MTREX: variants seen among roughly 807,000 people sequenced by gnomAD.
The protein encoded by MTREX is Mtr4 exosome RNA helicase, also known as exosome RNA helicase MTR4.
MTREX carries 76 observed loss-of-function variants against 135.4 expected under a neutral mutation model. That is an observed-to-expected ratio of 0.56 (90% CI 0.47 to 0.68). The LOEUF is 0.68. MTREX is among the 30% of genes least tolerant of loss of function. The pLI is 0.00. For synonymous variants in MTREX, 404 were observed against 401.6 expected (o/e 1.01, Z -0.07); for missense variants, 920 against 1,262.1 (o/e 0.73, Z 4.11).
chr5:55,387,965 GT>G lies in MTREX; in HGVS notation c.2053-3del. On this transcript the variant is annotated splice_polypyrimidine_tract_variant and splice_region_variant and intron_variant, in intron 18 of 26. Coordinates refer to ENST00000230640, the MANE Select transcript of MTREX (RefSeq NM_015360.5). The stretch of plus-strand genomic sequence containing the variant: ...AGAATGAATGAACATCTTCTGTTTT[GT>G]TTTTTAGCCTAACTCTGGTGAACTG... The G allele has an allele frequency of 6.4e-7, 1 of 1,572,266 alleles. No individual in the cohort carries two copies. The highest frequency in any genetic ancestry group is 1.2e-5 in the South Asian group (1 of 86,542).
chr5:55,340,246 T>C (rs1388020934), intron 6 of MTREX, 62 bp downstream of exon 6: 2 of 1,316,952 alleles, frequency 1.5e-6, no homozygotes, highest in Admixed American at 5.3e-5. Flanking sequence ...GACTATTCAG[T>C]TAGAACCTGG....
chr5:55,391,115 C>T (rs1561206246), intron 19 of MTREX, among the ~76,000 whole-genome samples: 2 of 151,982 alleles, frequency 1.3e-5, no homozygotes, highest in Non-Finnish European at 2.9e-5. Context: ...AGGGATCCTT[C>T]CTTTAGAGTG....
At chr5:55,399,350 C>T (rs1441641805) in intron 20 of MTREX, among the ~76,000 whole-genome samples, 1 of 152,182 alleles carries the variant, frequency 6.6e-6, no homozygotes, top group Non-Finnish European at 1.5e-5. Context: ...ATCTTTAAGG[C>T]TTATCCAAGA....
At chr5:55,362,224 C>T (rs549769827) in intron 15 of MTREX, among the ~76,000 whole-genome samples, 116 of 151,838 alleles carry the variant, frequency 7.6e-4, no homozygotes, top group African/African-American at 2.5e-3. Flanking sequence ...TGAACCATCG[C>T]GCTGGCTGGC....
In MTREX at chr5:55,425,171, A is replaced by G. The variant is rs1482978148; in HGVS notation, c.*399A>G. 1 of 1,592,790 alleles carries G rather than the reference A, an allele frequency of 6.3e-7. No homozygotes were observed. The highest frequency in any genetic ancestry group is 2.2e-5 in the East Asian group (1 of 44,738). ...TTGTGGCAATCATTTTCCTTTAGAAAACAGGCCAGCTTCACCTGGGCACCC... is the reference window on the plus strand; with the variant it reads ...TTGTGGCAATCATTTTCCTTTAGAAGACAGGCCAGCTTCACCTGGGCACCC... On this transcript the variant is annotated 3_prime_UTR_variant, in exon 27 of 27. Coordinates refer to ENST00000230640, the MANE Select transcript of MTREX (RefSeq NM_015360.5).
rs1749700652 is a variant in MTREX, at chr5:55,344,567, C to G, written c.952C>G (p.His318Asp). The stretch of plus-strand genomic sequence containing the variant: ...AGATTATCGGCCCACTCCATTGCAA[C>G]ACTACATTTTTCCAGCAGGGGGAGA... ...YTDYRPTPLQ[H>D]YIFPAGGDGL... The change falls in exon 9 of 27, where the codon CAC becomes GAC. Residue 318 changes from histidine to aspartate, a missense_variant. Around this residue, in one of 6 missense-constraint regions of MTREX, gnomAD observed 88 missense variants for 202.5 expected, o/e 0.43. Coordinates refer to ENST00000230640, the MANE Select transcript of MTREX (RefSeq NM_015360.5). 6.2e-7 allele frequency: 1 copy of G among 1,612,464 alleles called. No homozygotes were observed.
intron 18 of MTREX, among the ~76,000 whole-genome samples, chr5:55,384,085 A>G (rs190893213): frequency 2.7e-4 from 41 of 152,256 alleles, no homozygotes; most frequent in African/African-American, 9.4e-4. Context: ...ATTTCTTTGA[A>G]TATTTTTCTA....
chr5:55,337,205 T>G (rs1336615779), intron 5 of MTREX, among the ~76,000 whole-genome samples: 1 of 152,148 alleles, frequency 6.6e-6, no homozygotes, highest in Non-Finnish European at 1.5e-5. Context: ...ACTGCAGCCT[T>G]GACTTCCCAG....
chr5:55,420,685 C>T (rs919561012), intron 25 of MTREX, among the ~76,000 whole-genome samples: 14 of 152,056 alleles, frequency 9.2e-5, no homozygotes, highest in East Asian at 1.9e-4. Flanking sequence ...AAAGCATAGA[C>T]GTGGTTGCCA....
chr5:55,385,946 A>C (rs1342656153), intron 18 of MTREX, among the ~76,000 whole-genome samples: 3 of 152,150 alleles, frequency 2.0e-5, no homozygotes, highest in African/African-American at 7.2e-5. Flanking sequence ...AGAGGAACAC[A>C]TTCATTTTTT....
chr5:55,327,589 A>G (rs949146953), intron 3 of MTREX, 127 bp from the exon 4 acceptor site: 3 of 699,872 alleles, frequency 4.3e-6, no homozygotes, highest in Non-Finnish European at 7.4e-6. Context: ...AGTGTCTGAG[A>G]CAGCTAAAGT....
At chr5:55,321,541 G>A (rs1472255542) in intron 1 of MTREX, among the ~76,000 whole-genome samples, 3 of 148,780 alleles carry the variant, frequency 2.0e-5, no homozygotes, top group Non-Finnish European at 3.0e-5. Context: ...ATTGATTTTT[G>A]TGTATGATGA....
chr5:55,380,572 TA>T lies in MTREX; in HGVS notation c.2052+1378del, dbSNP rs560100815. Among the ~76,000 whole-genome samples, 116 of 152,338 alleles carry T rather than the reference TA, an allele frequency of 7.6e-4. 2 individuals are homozygous for T. In the South Asian group the frequency reaches 0.023, roughly 31 times the overall value. On this transcript the variant is annotated intron_variant, in intron 18 of 26. Transcript: ENST00000230640. ...TTCTATTTTGTATTCTGATATGATA[TA>T]TTACATTAACTGGTTTTCAGATGTT...
intron 19 of MTREX, among the ~76,000 whole-genome samples, chr5:55,389,746 T>G (rs1750536130): frequency 6.6e-6 from 1 of 152,158 alleles, no homozygotes; most frequent in Non-Finnish European, 1.5e-5. Flanking sequence ...TTCACATTTT[T>G]CTGTTCCTTG....
chr5:55,317,402 C>G (rs1749216122), intron 1 of MTREX, among the ~76,000 whole-genome samples: 2 of 152,116 alleles, frequency 1.3e-5, no homozygotes, highest in Admixed American at 6.6e-5. Context: ...CTACAGTAAC[C>G]AAACAGCATG....
At position 55,345,190 on chromosome 5, in the gene MTREX, A is replaced by ACTTC; in HGVS notation, c.1103_1104insTTCC (p.Lys369SerfsTer28). ...AGACCAGAAAGGGCGGAAAGGAGGA[A>ACTTC]CAAAAGGTAATTTGGAACTTTGCTT... is the stretch of plus-strand genomic sequence containing the variant. On this transcript the variant is annotated frameshift_variant, in exon 10 of 27. Coordinates refer to ENST00000230640, the MANE Select transcript of MTREX (RefSeq NM_015360.5). LOFTEE classifies it high-confidence loss of function. The ACTTC allele has an allele frequency of 6.2e-7, 1 of 1,601,720 alleles. No homozygotes were observed. Among genetic ancestry groups the ACTTC allele is most frequent in the Non-Finnish European group, 8.6e-7 (1 of 1,169,490 alleles).
At chr5:55,393,264 TGAA>T (rs1750598510) in intron 19 of MTREX, among the ~76,000 whole-genome samples, 1 of 152,224 alleles carries the variant, frequency 6.6e-6, no homozygotes. Flanking sequence ...TCCAGAATTT[TGAA>T]GAAGTTGATT....
intron 2 of MTREX, among the ~76,000 whole-genome samples, chr5:55,323,607 G>A (rs1361674748): frequency 6.6e-6 from 1 of 152,020 alleles, no homozygotes; most frequent in African/African-American, 2.4e-5. Context: ...TTTTTTTGTA[G>A]TGAGTTTCTG....
At chr5:55,412,576 C>G (rs937232070) in intron 23 of MTREX, among the ~76,000 whole-genome samples, 7 of 152,094 alleles carry the variant, frequency 4.6e-5, no homozygotes, top group Admixed American at 3.9e-4. Context: ...TCAAAGATCA[C>G]TGGGGAGATG....
Sources: gnomAD v4.1 joint callset for allele counts (sites outside exome capture counted in the v4.1 genomes callset) on GRCh38, gnomAD v4.1.1 for gene constraint, gnomAD v4.1.1 regional missense constraint, MANE v1.5 for transcripts, NCBI Gene and HGNC (gene_info 2026-07-23, HGNC 2026-07-21) for gene names.